The following SSBP3 variants were observed in gnomAD, a reference collection of about 807,000 sequenced individuals.
SSBP3 encodes single-stranded DNA-binding protein 3.
A neutral mutation model predicts 69.6 loss-of-function variants in SSBP3; 5 were observed. The observed-to-expected ratio is 0.07, with a 90% CI of 0.04 to 0.15. The LOEUF is 0.15. Among genes scored for constraint, SSBP3 ranks in the 10% least tolerant of loss-of-function variants. SSBP3 has a pLI of 1.00. For synonymous variants in SSBP3, 196 were observed against 193.4 expected, an observed-to-expected ratio of 1.01 and a Z score of -0.11; for missense variants, 312 against 534.0, an observed-to-expected ratio of 0.58 and a Z score of 4.10.
intron 4 of SSBP3, among the ~76,000 whole-genome samples, chr1:54,301,197 T>C (rs1645794914): frequency 6.6e-6 from 1 of 152,212 alleles, no homozygotes; most frequent in South Asian, 2.1e-4. Context: ...ACAATGCCCA[T>C]AATATTAATT....
intron 5 of SSBP3, among the ~76,000 whole-genome samples, chr1:54,267,352 C>G (rs1301447110): frequency 6.6e-6 from 1 of 152,216 alleles, no homozygotes; most frequent in East Asian, 1.9e-4. Flanking sequence ...TAACTGGGCA[C>G]TAGGTCCCAG....
At chr1:54,398,768 G>A (rs1649075526) in intron 4 of SSBP3, among the ~76,000 whole-genome samples, 1 of 152,090 alleles carries the variant, frequency 6.6e-6, no homozygotes, top group South Asian at 2.1e-4. Flanking sequence ...CTGATTTAAT[G>A]CAAACCAATT....
rs3766441 is a variant in SSBP3, at chr1:54,258,624, G to T, written c.367-475C>A. Reference sequence around the variant, plus strand: ...CTCACAGTCTGGGGGACAGTGACACGGCTATGGGTGACTCGAGGCAGTACT... The same window carrying T: ...CTCACAGTCTGGGGGACAGTGACACTGCTATGGGTGACTCGAGGCAGTACT... On this transcript the variant is annotated intron_variant, in intron 5 of 17. Transcript: ENST00000610401. The surrounding 1 kb of genome is among the most constrained non-coding windows in gnomAD (Gnocchi z 4.5). Among the ~76,000 whole-genome samples the T allele has an allele frequency of 0.27, 41,797 of 152,094 alleles. 5,981 individuals are homozygous for T. Among genetic ancestry groups the T allele is most frequent in the Non-Finnish European group, 0.32 (21,563 of 67,972 alleles).
chr1:54,345,077 G>A (rs550465326), intron 4 of SSBP3, among the ~76,000 whole-genome samples: 8 of 152,256 alleles, frequency 5.3e-5, no homozygotes, highest in Admixed American at 2.6e-4. Context: ...TCATCTGTGC[G>A]GAAATTCTCC....
chr1:54,288,104 C>T (rs751196526), intron 4 of SSBP3, among the ~76,000 whole-genome samples: 13 of 152,226 alleles, frequency 8.5e-5, no homozygotes, highest in Middle Eastern at 3.4e-3. Flanking sequence ...CAGAAGGGGG[C>T]GGGCTGTGAT....
At chr1:54,354,311 C>T (rs1646828826) in intron 4 of SSBP3, among the ~76,000 whole-genome samples, 1 of 152,336 alleles carries the variant, frequency 6.6e-6, no homozygotes, top group African/African-American at 2.4e-5. Flanking sequence ...GACAGACCAG[C>T]AATGACACGG....
In SSBP3 at chr1:54,258,704, G is replaced by A. The variant is rs969535230; in HGVS notation, c.367-555C>T. Among the ~76,000 whole-genome samples the A allele has an allele frequency of 1.3e-5, 2 of 152,098 alleles. No individual in the cohort carries two copies. The highest frequency in any genetic ancestry group is 2.9e-5 in the Non-Finnish European group (2 of 68,020). ...CGGGTTTCCTGGGGGCAGGAGGGCC[G>A]GGGGCACCGACAGATAAACAACAGA... On this transcript the variant is annotated intron_variant, in intron 5 of 17. Transcript: ENST00000610401. This position sits in a 1 kb window ranked among gnomAD's most constrained non-coding sequence, Gnocchi z 4.5.
chr1:54,275,033 C>T (rs747779347), intron 5 of SSBP3, among the ~76,000 whole-genome samples: 2 of 152,172 alleles, frequency 1.3e-5, no homozygotes, highest in Non-Finnish European at 2.9e-5. Context: ...TGTGCCTGGC[C>T]CCAACGGTAT....
chr1:54,247,700 C>G (rs78002296), intron 9 of SSBP3, among the ~76,000 whole-genome samples: 1,579 of 152,276 alleles, frequency 0.01, 23 homozygotes, highest in African/African-American at 0.036. Flanking sequence ...GAAACAACAA[C>G]AAGTCGGTGG....
At chr1:54,374,657 C>T (rs115259923) in intron 4 of SSBP3, among the ~76,000 whole-genome samples, 1,776 of 152,204 alleles carry the variant, frequency 0.012, 37 homozygotes, top group African/African-American at 0.041. Flanking sequence ...GTCCCCATCC[C>T]TTTCTCCCTC....
rs553489680 is a variant in SSBP3 at position 54,333,446 on chromosome 1, G to A, written c.277-51919C>T. ...GATTTCTCACCACCCCAACCCACCT[G>A]ACTCTCCGTAAGGCTGCATGGCCTG... On this transcript the variant is annotated intron_variant, in intron 4 of 17. Coordinates refer to ENST00000610401, the Ensembl canonical transcript of SSBP3. 2.5e-3 allele frequency among the ~76,000 whole-genome samples: 378 copies of A among 152,252 alleles called. 1 individual carries two copies. The highest frequency in any genetic ancestry group is 4.0e-3 in the Non-Finnish European group (271 of 68,028).
At chr1:54,342,106 C>T (rs78660707) in intron 4 of SSBP3, among the ~76,000 whole-genome samples, 3,853 of 152,262 alleles carry the variant, frequency 0.025, 160 homozygotes, top group Admixed American at 0.11. Context: ...AGTTTCCCTG[C>T]GGAGAGCACC....
intron 4 of SSBP3, among the ~76,000 whole-genome samples, chr1:54,373,697 G>A (rs1426914557): frequency 6.6e-6 from 1 of 151,818 alleles, no homozygotes; most frequent in African/African-American, 2.4e-5. Flanking sequence ...AGCCCGGGAG[G>A]TGGAAGCTGC....
rs572790594 is a variant in SSBP3, at chr1:54,307,723, C to T, written c.277-26196G>A. The stretch of plus-strand genomic sequence containing the variant: ...CCAAAACCTACCAAAACCAAGATGG[C>T]GACAAGAGTGACCTCTGGTCGTCCT... On this transcript the variant is annotated intron_variant, in intron 4 of 17. Coordinates refer to ENST00000610401, the Ensembl canonical transcript of SSBP3. Among the ~76,000 whole-genome samples the T allele has an allele frequency of 1.2e-4, 18 of 152,210 alleles. No individual in the cohort carries two copies. The South Asian group carries it at 3.3e-3, about 28-fold the overall frequency.
chr1:54,331,135 A>G (rs1646402903), intron 4 of SSBP3, among the ~76,000 whole-genome samples: 4 of 152,246 alleles, frequency 2.6e-5, no homozygotes, highest in South Asian at 4.1e-4. Context: ...GCCCCGATAT[A>G]ATAACCTCCG....
intron 17 of SSBP3, among the ~76,000 whole-genome samples, chr1:54,227,863 C>T (rs11577661): frequency 0.16 from 25,073 of 152,114 alleles, 2,330 homozygotes; most frequent in South Asian, 0.26. Flanking sequence ...ACACAGAAGC[C>T]CACTATAGAA....
intron 5 of SSBP3, among the ~76,000 whole-genome samples, chr1:54,274,984 C>T (rs925780479): frequency 2.0e-5 from 3 of 152,272 alleles, no homozygotes; most frequent in African/African-American, 7.2e-5. Context: ...GTCACCCCCT[C>T]GGAGAGGCTT....
intron 5 of SSBP3, among the ~76,000 whole-genome samples, chr1:54,261,401 C>T (rs560287848): frequency 3.9e-5 from 6 of 152,292 alleles, no homozygotes; most frequent in Non-Finnish European, 7.4e-5. Context: ...GTTACCCACT[C>T]GGGCAAAAGG....
chr1:54,257,924 G>C (rs1191566454), intron 6 of SSBP3, 145 bp downstream of exon 6: 10 of 747,906 alleles, frequency 1.3e-5, no homozygotes, highest in Non-Finnish European at 2.0e-5. Flanking sequence ...TTAGAAAAAA[G>C]AAATTTCTAA....
Sources: allele counts gnomAD v4.1 joint callset (sites outside exome capture counted in the v4.1 genomes callset), GRCh38; gene constraint gnomAD v4.1.1; non-coding constraint Gnocchi (gnomAD v3.1); transcripts MANE v1.5; gene names NCBI Gene and HGNC (gene_info 2026-07-23, HGNC 2026-07-21).